ORC3: variants seen among roughly 807,000 people sequenced by gnomAD.
ORC3 encodes the protein homolog of latheo, Drosophila.
ORC3 carries 78 observed loss-of-function variants against 100.7 expected under a neutral mutation model. The observed-to-expected ratio is 0.77, with a 90% confidence interval of 0.65 to 0.94. The LOEUF is 0.94. Among genes scored for constraint, ORC3 ranks in the 40% least tolerant of loss-of-function variants. ORC3 has a pLI of 0.00. For missense variants in ORC3, 789 were observed against 823.9 expected (o/e 0.96, Z 0.52); for synonymous variants, 295 against 289.3 (o/e 1.02, Z -0.20).
rs200054981 is a variant in ORC3 at position 87,650,964 on chromosome 6, G to A, written c.1383-2152G>A. ...AGAGGTTGCGGTGAGCCGAGATCACGCCATTGCACCCTAGCCTGAGCAACA... is the reference window on the plus strand; with the variant it reads ...AGAGGTTGCGGTGAGCCGAGATCACACCATTGCACCCTAGCCTGAGCAACA... On this transcript the variant is annotated intron_variant, in intron 13 of 19. Transcript: ENST00000392844. 36 of 335,384 alleles carry A rather than the reference G, an allele frequency of 1.1e-4. No individual in the cohort carries two copies. In the East Asian group the frequency reaches 2.3e-3, roughly 22 times the overall value. 20.8% of individuals were successfully genotyped at this position (335,384 alleles called of 1,614,324 possible).
intron 13 of ORC3, among the ~76,000 whole-genome samples, chr6:87,639,461 A>G (rs1445179158): frequency 6.6e-6 from 1 of 152,144 alleles, no homozygotes; most frequent in Non-Finnish European, 1.5e-5. Context: ...CCCAGCACAA[A>G]GTTGCATTCC....
intron 11 of ORC3, among the ~76,000 whole-genome samples, chr6:87,624,368 G>T (rs1779741558): frequency 6.6e-6 from 1 of 151,690 alleles, no homozygotes; most frequent in Non-Finnish European, 1.5e-5. Flanking sequence ...CCTGTAATCT[G>T]AGCTACTCCA....
the ORC3 span, among the ~76,000 whole-genome samples, chr6:87,674,696 G>T: frequency 7.1e-6 from 1 of 140,976 alleles, no homozygotes; most frequent in Non-Finnish European, 1.5e-5. Context: ...GGATAGTCTC[G>T]ATCTCCTGAC....
intron 2 of ORC3, among the ~76,000 whole-genome samples, chr6:87,596,677 A>G (rs1192370046): frequency 6.6e-6 from 1 of 152,192 alleles, no homozygotes; most frequent in African/African-American, 2.4e-5. Context: ...CAATTAATAA[A>G]AAAAGATACT....
At chr6:87,649,711 A>G (rs1330226137) in intron 13 of ORC3, among the ~76,000 whole-genome samples, 2 of 152,168 alleles carry the variant, frequency 1.3e-5, no homozygotes, top group African/African-American at 4.8e-5. Context: ...GCACCATTGC[A>G]CTCCAGCCTG....
the ORC3 span, among the ~76,000 whole-genome samples, chr6:87,676,596 A>AACACACGCACGCGCGCACACAC: frequency 7.4e-3 from 1,057 of 142,140 alleles, 17 homozygotes; most frequent in African/African-American, 0.027. Flanking sequence ...CTCTACTAAA[A>AACACACGCACGCGCGCACACAC]ACACACACAC....
chr6:87,667,935 A>G (rs1325350731), downstream of ORC3, among the ~76,000 whole-genome samples: 1 of 151,992 alleles, frequency 6.6e-6, no homozygotes, highest in Non-Finnish European at 1.5e-5. Flanking sequence ...GTCAAAAAAA[A>G]AAGTCCCAAA....
In ORC3 at chr6:87,667,148, T is replaced by G. The variant is rs376580990; in HGVS notation, c.*25T>G. 7.4e-7 allele frequency: 1 copy of G among 1,347,008 alleles called. No homozygotes were observed. The highest frequency in any genetic ancestry group is 1.1e-6 in the Non-Finnish European group (1 of 948,766). The allele number at this position is 1,347,008 out of a possible 1,614,324, so 83.4% of individuals were successfully genotyped here. On this transcript the variant is annotated 3_prime_UTR_variant, in exon 20 of 20. Transcript: ENST00000392844. ...GAAAGCAAATAAGCAAAGCCAGAAC[T>G]ATCACATTTAGCTTAAGAGAAAAAG...
the ORC3 span, among the ~76,000 whole-genome samples, chr6:87,676,461 A>G: frequency 7.1e-6 from 1 of 141,282 alleles, no homozygotes; most frequent in East Asian, 2.0e-4. Context: ...AAAAAAAAAA[A>G]AAAAAAAAAA....
At chr6:87,613,079 G>C (rs1327870767) in intron 8 of ORC3, among the ~76,000 whole-genome samples, 2 of 152,184 alleles carry the variant, frequency 1.3e-5, no homozygotes, top group Non-Finnish European at 2.9e-5. Flanking sequence ...AATATTGACT[G>C]TATTAGTCTG....
At chr6:87,594,645 A>T in intron 2 of ORC3, 2 of 905,696 alleles carry the variant, frequency 2.2e-6, no homozygotes, top group Non-Finnish European at 2.8e-6. Flanking sequence ...TTCAAAGGAT[A>T]TGCTGCTATT....
At chr6:87,626,772 G>A (rs1357322330) in intron 11 of ORC3, among the ~76,000 whole-genome samples, 1 of 135,894 alleles carries the variant, frequency 7.4e-6, no homozygotes, top group East Asian at 2.1e-4. Context: ...GGGCAACACA[G>A]CATGACTCTG....
chr6:87,674,642 ATT>A, the ORC3 span, among the ~76,000 whole-genome samples: 5 of 140,868 alleles, frequency 3.5e-5, no homozygotes, highest in Admixed American at 1.4e-4. Flanking sequence ...ATATATATAT[ATT>A]TTTTTTTTTT....
intron 16 of ORC3, among the ~76,000 whole-genome samples, chr6:87,659,475 A>G (rs1470138601): frequency 6.6e-6 from 1 of 152,146 alleles, no homozygotes; most frequent in Non-Finnish European, 1.5e-5. Flanking sequence ...TTTTCTGACA[A>G]ATTACATGTC....
Position 87,634,913 on chromosome 6 carries a change from T to C in ORC3, c.1254T>C (p.Cys418=). Residue 418 remains cysteine (C), a synonymous_variant, in exon 12 of 20, where the codon TGT becomes TGC. Transcript: ENST00000392844. ...YHMNYFLVLR[C]LHKFTSSLPK... ...TGAATTACTTCCTGGTTTTGAGATG[T>C]CTTCATAAGTTCACCTCTTCTCTTC... 1 of 1,606,624 alleles carries C rather than the reference T, an allele frequency of 6.2e-7. No individual in the cohort carries two copies. Among genetic ancestry groups the C allele is most frequent in the Non-Finnish European group, 8.5e-7 (1 of 1,173,252 alleles).
chr6:87,594,981 G>A (rs1271642971), intron 2 of ORC3, among the ~76,000 whole-genome samples: 1 of 152,160 alleles, frequency 6.6e-6, no homozygotes, highest in Non-Finnish European at 1.5e-5. Flanking sequence ...AAATTTTGAT[G>A]TGATATTCCA....
chr6:87,643,246 T>A (rs971703031), intron 13 of ORC3, among the ~76,000 whole-genome samples: 1 of 152,130 alleles, frequency 6.6e-6, no homozygotes, highest in Non-Finnish European at 1.5e-5. Flanking sequence ...GGTCAGAGAA[T>A]TAGCTGAGAT....
At chr6:87,621,862 T>C in intron 10 of ORC3, 88 bp from the exon 11 acceptor site, 1 of 865,332 alleles carries the variant, frequency 1.2e-6, no homozygotes, top group South Asian at 1.5e-5. Flanking sequence ...TGGCTACCAA[T>C]CTAGGTAGTT....
At chr6:87,646,103 T>C (rs966611714) in intron 13 of ORC3, among the ~76,000 whole-genome samples, 5 of 151,416 alleles carry the variant, frequency 3.3e-5, no homozygotes, top group African/African-American at 9.7e-5. Flanking sequence ...TCTCCTGCCT[T>C]AGCCTCCTGA....
Sources: allele counts gnomAD v4.1 joint callset (sites outside exome capture counted in the v4.1 genomes callset), GRCh38; gene constraint gnomAD v4.1.1; transcripts MANE v1.5; gene names NCBI Gene and HGNC (gene_info 2026-07-23, HGNC 2026-07-21).